ANKFN1: variants seen among roughly 807,000 people sequenced by gnomAD.
ANKFN1 encodes ankyrin repeat and fibronectin type III domain containing 1.
ANKFN1 carries 74 observed loss-of-function variants against 108.7 expected under a neutral mutation model. That is an observed-to-expected ratio of 0.68 (90% CI 0.56 to 0.83). ANKFN1 has a LOEUF of 0.83. Ranked by LOEUF, ANKFN1 falls within the 40% of genes least tolerant of loss-of-function variation. The pLI is 0.00. For synonymous variants in ANKFN1, 547 were observed against 516.2 expected, an observed-to-expected ratio of 1.06 and a Z score of -0.81; for missense variants, 1,505 against 1,382.3, an observed-to-expected ratio of 1.09 and a Z score of -1.41.
At position 56,153,498 on chromosome 17, in the gene ANKFN1, C is replaced by T. The variant is rs566952525; in HGVS notation, c.-103C>T. On this transcript the variant is annotated 5_prime_UTR_variant, in exon 1 of 21. Coordinates refer to ENST00000682825, the MANE Select transcript of ANKFN1 (RefSeq NM_001370326.1). ...TCCTCTTTCAACTCAAGAGCTCAGT[C>T]CTGTGTCTCTCATGGAGGCGTCTCT... 1.2e-6 allele frequency: 2 copies of T among 1,614,076 alleles called. No homozygotes were observed. Among genetic ancestry groups the T allele is most frequent in the East Asian group, 2.2e-5 (1 of 44,878 alleles).
At chr17:56,455,253 C>T (rs917178758) in intron 11 of ANKFN1, among the ~76,000 whole-genome samples, 4 of 152,084 alleles carry the variant, frequency 2.6e-5, no homozygotes, top group African/African-American at 9.7e-5. Context: ...TTCTTAATTT[C>T]TACTCTGCTT....
At chr17:56,076,620 T>A (rs1905185057) in intron 4 of ANKFN1, among the ~76,000 whole-genome samples, 1 of 152,220 alleles carries the variant, frequency 6.6e-6, no homozygotes, top group African/African-American at 2.4e-5. Flanking sequence ...CAAATGCAGC[T>A]TGCTTTCTTT....
At chr17:56,083,867 C>T (rs1160044480) in intron 4 of ANKFN1, among the ~76,000 whole-genome samples, 1 of 151,380 alleles carries the variant, frequency 6.6e-6, no homozygotes, top group Non-Finnish European at 1.5e-5. Flanking sequence ...GAGTAGTCAT[C>T]TTACAACAAT....
At chr17:56,061,389 A>C (rs373134681) in intron 4 of ANKFN1, among the ~76,000 whole-genome samples, 2 of 144,472 alleles carry the variant, frequency 1.4e-5, no homozygotes, top group African/African-American at 5.2e-5. Flanking sequence ...CTCCTGCCTC[A>C]GCCTCCTGAG....
chr17:56,313,833 A>G (rs559231896), intron 3 of ANKFN1, among the ~76,000 whole-genome samples: 2 of 152,336 alleles, frequency 1.3e-5, no homozygotes, highest in Admixed American at 6.5e-5. Context: ...TTATGTTTCA[A>G]TAATTGTATA....
At chr17:56,167,292 CACAT>C (rs1267470927) in intron 1 of ANKFN1, among the ~76,000 whole-genome samples, 5 of 114,562 alleles carry the variant, frequency 4.4e-5, no homozygotes, top group Non-Finnish European at 8.6e-5. Context: ...TATATACACA[CACAT>C]ACATATATAC....
intron 3 of ANKFN1, among the ~76,000 whole-genome samples, chr17:56,271,971 T>C (rs2043805887): frequency 6.6e-6 from 1 of 152,176 alleles, no homozygotes; most frequent in Non-Finnish European, 1.5e-5. Context: ...GGGTACCCAA[T>C]AAATAGTAGC....
intron 8 of ANKFN1, among the ~76,000 whole-genome samples, chr17:56,434,582 G>T (rs1191406885): frequency 6.6e-6 from 1 of 152,098 alleles, no homozygotes; most frequent in African/African-American, 2.4e-5. Context: ...ACTACCAAGG[G>T]AATTTAAAAT....
chr17:56,468,392 A>G (rs1399178582), intron 15 of ANKFN1, among the ~76,000 whole-genome samples: 1 of 151,866 alleles, frequency 6.6e-6, no homozygotes, highest in Non-Finnish European at 1.5e-5. Context: ...TTTTGTGAAC[A>G]TGGGCTTCAA....
chr17:56,446,109 T>C (rs1310797756), intron 10 of ANKFN1, among the ~76,000 whole-genome samples: 1 of 152,212 alleles, frequency 6.6e-6, no homozygotes, highest in Admixed American at 6.5e-5. Flanking sequence ...CAGTGCTCAC[T>C]TGGGCTGCAA....
chr17:56,467,779 GA>G (rs376300842), intron 15 of ANKFN1, among the ~76,000 whole-genome samples: 54 of 17,478 alleles, frequency 3.1e-3, no homozygotes, highest in East Asian at 0.012. Context: ...AAGAAAGAAA[GA>G]AAGAAAGAAA....
At chr17:56,307,498 C>G (rs1284030783) in intron 3 of ANKFN1, among the ~76,000 whole-genome samples, 1 of 152,220 alleles carries the variant, frequency 6.6e-6, no homozygotes, top group Non-Finnish European at 1.5e-5. Flanking sequence ...CACTGGCCAT[C>G]AGAGAAATGC....
At chr17:56,382,379 C>G (rs1001881074) in intron 8 of ANKFN1, among the ~76,000 whole-genome samples, 1 of 152,172 alleles carries the variant, frequency 6.6e-6, no homozygotes, top group African/African-American at 2.4e-5. Flanking sequence ...AAAATCATGC[C>G]AAATTGTAAA....
At chr17:56,117,209 G>C (rs1906335180) in intron 4 of ANKFN1, among the ~76,000 whole-genome samples, 1 of 152,148 alleles carries the variant, frequency 6.6e-6, no homozygotes, top group Non-Finnish European at 1.5e-5. Context: ...CCCAGAGCCT[G>C]AAGTGGGGCC....
chr17:56,211,647 T>A (rs1915020377), intron 1 of ANKFN1, among the ~76,000 whole-genome samples: 3 of 152,240 alleles, frequency 2.0e-5, no homozygotes, highest in South Asian at 4.1e-4. Flanking sequence ...TGAAGAACGA[T>A]GGTGGCATTT....
intron 3 of ANKFN1, among the ~76,000 whole-genome samples, chr17:56,229,516 TG>T (rs1916542027): frequency 6.6e-6 from 1 of 152,058 alleles, no homozygotes; most frequent in African/African-American, 2.4e-5. Flanking sequence ...GAAAGATACT[TG>T]GTATATATTA....
At chr17:56,055,274 C>A (rs1433456915) in intron 4 of ANKFN1, among the ~76,000 whole-genome samples, 2 of 151,696 alleles carry the variant, frequency 1.3e-5, no homozygotes, top group Non-Finnish European at 2.9e-5. Context: ...TCTTTATGTC[C>A]ATGTGTACCC....
chr17:56,510,964 CAGG>C lies in ANKFN1; in HGVS notation c.3139_3141del (p.Glu1047del), dbSNP rs1466490677. The C allele has an allele frequency of 1.3e-6, 2 of 1,535,968 alleles. No homozygotes were observed. The highest frequency in any genetic ancestry group is 1.7e-6 in the Non-Finnish European group (2 of 1,146,892). On this transcript the variant is annotated inframe_deletion, in exon 21 of 21. Transcript: ENST00000682825. ...CCTGTCCCAGGCCTGTGGTCTGGCC[CAGG>C]AGCCCAAGGAGGCCAAGCGGGCCGG...
chr17:56,505,749 C>T (rs2051535726), intron 20 of ANKFN1, among the ~76,000 whole-genome samples: 1 of 152,294 alleles, frequency 6.6e-6, no homozygotes, highest in South Asian at 2.1e-4. Context: ...TACAGGCTTT[C>T]CTTGAGAGAC....
Sources: allele counts gnomAD v4.1 joint callset (sites outside exome capture counted in the v4.1 genomes callset), GRCh38; gene constraint gnomAD v4.1.1; transcripts MANE v1.5; gene names NCBI Gene and HGNC (gene_info 2026-07-23, HGNC 2026-07-21).